CPQ: variants seen among roughly 807,000 people sequenced by gnomAD.
CPQ encodes the protein Ser-Met dipeptidase.
CPQ carries 37 observed loss-of-function variants against 45.7 expected under a neutral mutation model. The observed-to-expected ratio is 0.81, with a 90% CI of 0.62 to 1.07. The LOEUF is 1.07. CPQ is among the 50% of genes least tolerant of loss of function. The probability of loss-of-function intolerance (pLI) is 0.00; values close to 1 mark genes in which losing one functional copy is unlikely to be tolerated. For missense variants in CPQ, 537 were observed against 572.9 expected (o/e 0.94, Z 0.64); for synonymous variants, 186 against 205.8 (o/e 0.90, Z 0.82).
At chr8:97,089,776 C>G (rs1032382285) in intron 7 of CPQ, among the ~76,000 whole-genome samples, 1 of 152,036 alleles carries the variant, frequency 6.6e-6, no homozygotes, top group Non-Finnish European at 1.5e-5. Flanking sequence ...TTTTGAGTGG[C>G]CTTTTGGAAA....
chr8:96,770,172 T>A (rs541160228), intron 1 of CPQ, among the ~76,000 whole-genome samples: 6 of 152,208 alleles, frequency 3.9e-5, no homozygotes, highest in African/African-American at 1.4e-4. Flanking sequence ...AATGGCCATA[T>A]GATGTCTGAG....
chr8:96,873,629 C>A (rs1048687626), intron 3 of CPQ, among the ~76,000 whole-genome samples: 2 of 151,662 alleles, frequency 1.3e-5, no homozygotes, highest in Admixed American at 1.3e-4. Flanking sequence ...AAAAAAAACT[C>A]TATGGAAACA....
chr8:96,645,947 C>G (rs557649841), intron 1 of CPQ, among the ~76,000 whole-genome samples: 1 of 150,704 alleles, frequency 6.6e-6, no homozygotes, highest in Admixed American at 6.6e-5. Context: ...GGACTCAGAG[C>G]TACTCAATAA....
At chr8:96,869,821 A>C (rs111729824) in intron 3 of CPQ, among the ~76,000 whole-genome samples, 70 of 152,198 alleles carry the variant, frequency 4.6e-4, no homozygotes, top group African/African-American at 1.6e-3. Context: ...TAATAACTAA[A>C]TGGTAAAGTT....
rs749278181 is a variant in CPQ, at chr8:97,078,763, T to TTCTCTCTCTCTCTCTC, written c.1255+12582_1255+12597dup. 5.7e-4 allele frequency among the ~76,000 whole-genome samples: 57 copies of TTCTCTCTCTCTCTCTC among 100,360 alleles called. 1 individual carries two copies. Among genetic ancestry groups the TTCTCTCTCTCTCTCTC allele is most frequent in the East Asian group, 9.3e-4 (3 of 3,216 alleles). The allele number at this position is 100,360 out of a possible 152,430, so 65.8% of individuals were successfully genotyped here. On this transcript the variant is annotated intron_variant, in intron 7 of 7. Coordinates refer to ENST00000220763, the MANE Select transcript of CPQ (RefSeq NM_016134.4). ...ACTCTAAATATGATATCATTTCCAT[T>TTCTCTCTCTCTCTCTC]TCTCTCTCTCTCTCTCTCTCTCTCT... is the stretch of plus-strand genomic sequence containing the variant.
At chr8:96,819,282 C>T (rs1198103210) in intron 2 of CPQ, among the ~76,000 whole-genome samples, 2 of 152,090 alleles carry the variant, frequency 1.3e-5, no homozygotes, top group Non-Finnish European at 2.9e-5. Context: ...TATTTCTCAA[C>T]ATAAGCTCCA....
rs189301913 is a variant in CPQ, at chr8:96,852,707, G to A, written c.641+17527G>A. 2.8e-3 allele frequency among the ~76,000 whole-genome samples: 432 copies of A among 152,236 alleles called. 2 individuals carry two copies. The highest frequency in any genetic ancestry group is 3.1e-3 in the Non-Finnish European group (213 of 68,030). On this transcript the variant is annotated intron_variant, in intron 3 of 7. Transcript: ENST00000220763. ...TCTGGGGGAAACTAAATTTGTTCAG[G>A]AGAATAGCAATTTGGATGACAAGTG...
At chr8:97,133,107 A>G (rs1462008055) in intron 7 of CPQ, 1 of 152,204 alleles carries the variant, frequency 6.6e-6, no homozygotes, top group African/African-American at 2.4e-5. Context: ...GTTATTAAGG[A>G]GTATAGGTAG....
At chr8:96,738,793 C>T (rs1440964323) in intron 1 of CPQ, among the ~76,000 whole-genome samples, 3 of 152,056 alleles carry the variant, frequency 2.0e-5, no homozygotes, top group African/African-American at 4.8e-5. Context: ...CATGAACTCA[C>T]CATTTTTTAT....
intron 1 of CPQ, among the ~76,000 whole-genome samples, chr8:96,750,191 A>C (rs998230406): frequency 6.6e-6 from 1 of 151,844 alleles, no homozygotes; most frequent in Non-Finnish European, 1.5e-5. Flanking sequence ...GTTGTCAATG[A>C]GAGATTTTTT....
At chr8:96,839,652 T>C (rs1811580212) in intron 3 of CPQ, among the ~76,000 whole-genome samples, 1 of 152,218 alleles carries the variant, frequency 6.6e-6, no homozygotes, top group Non-Finnish European at 1.5e-5. Context: ...AATTTCCGAG[T>C]ACTAGGATTA....
intron 7 of CPQ, among the ~76,000 whole-genome samples, chr8:97,112,981 C>T (rs1811522470): frequency 6.6e-6 from 1 of 152,174 alleles, no homozygotes; most frequent in African/African-American, 2.4e-5. Flanking sequence ...CAGGAGAGGC[C>T]TGGACCATTG....
At chr8:96,851,071 G>GT (rs1395408709) in intron 3 of CPQ, among the ~76,000 whole-genome samples, 1 of 152,086 alleles carries the variant, frequency 6.6e-6, no homozygotes, top group Admixed American at 6.5e-5. Flanking sequence ...TAGCTTTTAT[G>GT]TTTTGGATGC....
intron 1 of CPQ, among the ~76,000 whole-genome samples, chr8:96,696,607 C>G (rs1324346849): frequency 1.3e-5 from 2 of 151,332 alleles, no homozygotes; most frequent in Non-Finnish European, 2.9e-5. Context: ...AAAAGATAAA[C>G]AAAATTTACA....
At chr8:96,719,732 T>C (rs1395138701) in intron 1 of CPQ, among the ~76,000 whole-genome samples, 1 of 152,156 alleles carries the variant, frequency 6.6e-6, no homozygotes, top group African/African-American at 2.4e-5. Context: ...CTTCCCTCTA[T>C]CTCTCCTGGA....
intron 3 of CPQ, among the ~76,000 whole-genome samples, chr8:96,846,763 A>G (rs1410954954): frequency 6.6e-6 from 1 of 152,186 alleles, no homozygotes; most frequent in African/African-American, 2.4e-5. Context: ...TTTAAAATTC[A>G]TCCATATTCA....
chr8:96,716,831 T>C (rs113418176), intron 1 of CPQ, among the ~76,000 whole-genome samples: 3,642 of 151,414 alleles, frequency 0.024, 161 homozygotes, highest in African/African-American at 0.083. Flanking sequence ...TGCTTGAACC[T>C]GGGAGGCAGA....
At chr8:96,875,032 G>A (rs1812127454) in intron 3 of CPQ, among the ~76,000 whole-genome samples, 1 of 151,740 alleles carries the variant, frequency 6.6e-6, no homozygotes. Context: ...CCTATTAGAT[G>A]GAAAGTGACA....
chr8:96,698,063 G>T (rs1376622496), intron 1 of CPQ, among the ~76,000 whole-genome samples: 1 of 151,494 alleles, frequency 6.6e-6, no homozygotes, highest in Non-Finnish European at 1.5e-5. Context: ...CTGAACAAAA[G>T]GAAAAAAATG....
Sources: allele counts gnomAD v4.1 joint callset (sites outside exome capture counted in the v4.1 genomes callset), GRCh38; gene constraint gnomAD v4.1.1; transcripts MANE v1.5; gene names NCBI Gene and HGNC (gene_info 2026-07-23, HGNC 2026-07-21).